KIRREL3: variants seen among roughly 807,000 people sequenced by gnomAD.
The protein encoded by KIRREL3 is kin of IRRE-like protein 3.
A neutral mutation model predicts 89.7 loss-of-function variants in KIRREL3; 36 were observed. The observed-to-expected ratio is 0.40, with a 90% CI of 0.31 to 0.53. The LOEUF is 0.53. KIRREL3 is among the 20% of genes least tolerant of loss of function. KIRREL3 has a pLI of 0.49. For synonymous variants in KIRREL3, 445 were observed against 441.4 expected (o/e 1.01, Z -0.10); for missense variants, 864 against 1,056.6 (o/e 0.82, Z 2.53).
chr11:126,811,381 G>A lies in KIRREL3; in HGVS notation c.55+189074C>T, dbSNP rs1951382021. ...GGTTGCTGGCCTGTAAGCTCCAAGA[G>A]GGTAGGGGGCTGTGTCTGAATTTTG... is the stretch of plus-strand genomic sequence containing the variant. On this transcript the variant is annotated intron_variant, in intron 1 of 16. Coordinates refer to ENST00000525144, the MANE Select transcript of KIRREL3 (RefSeq NM_032531.4). The surrounding 1 kb of genome is among the most constrained non-coding windows in gnomAD (Gnocchi z 4.3). 1.3e-5 allele frequency among the ~76,000 whole-genome samples: 2 copies of A among 152,188 alleles called. No individual in the cohort carries two copies. Among genetic ancestry groups the A allele is most frequent in the African/African-American group, 4.8e-5 (2 of 41,460 alleles).
intron 4 of KIRREL3, among the ~76,000 whole-genome samples, chr11:126,483,739 T>C (rs954294199): frequency 6.6e-6 from 1 of 152,264 alleles, no homozygotes; most frequent in African/African-American, 2.4e-5. Context: ...GAGGATAGCC[T>C]GCCCTTTTAC....
Position 126,656,447 on chromosome 11 carries a change from C to A in KIRREL3, c.56-93535G>T, listed in dbSNP as rs1298548052. ...CTCTGGAAAACCTAGGTTTCCAAACCTTTCACCTTAAGTAGATTTTTATAA... is the reference window on the plus strand; with the variant it reads ...CTCTGGAAAACCTAGGTTTCCAAACATTTCACCTTAAGTAGATTTTTATAA... On this transcript the variant is annotated intron_variant, in intron 1 of 16. Coordinates refer to ENST00000525144, the MANE Select transcript of KIRREL3 (RefSeq NM_032531.4). This position sits in a 1 kb window ranked among gnomAD's most constrained non-coding sequence, Gnocchi z 4.0. Among the ~76,000 whole-genome samples, 1 of 152,140 alleles carries A rather than the reference C, an allele frequency of 6.6e-6. No individual in the cohort carries two copies. Among genetic ancestry groups the A allele is most frequent in the African/African-American group, 2.4e-5 (1 of 41,422 alleles).
rs1955581378 is a variant in KIRREL3 at position 126,441,930 on chromosome 11, A to G, written c.1253-1381T>C. 6.6e-6 allele frequency among the ~76,000 whole-genome samples: 1 copy of G among 152,082 alleles called. No homozygotes were observed. The highest frequency in any genetic ancestry group is 1.5e-5 in the Non-Finnish European group (1 of 68,028). ...AGATGAGGAGATTGATGTTTTAGGA[A>G]CCGGATGGTGCTTTGTTTTATTGCT... On this transcript the variant is annotated intron_variant, in intron 10 of 16. Transcript: ENST00000525144. The surrounding 1 kb of genome is among the most constrained non-coding windows in gnomAD (Gnocchi z 5.0).
chr11:126,948,035 A>G lies in KIRREL3; in HGVS notation c.55+52420T>C, dbSNP rs2135136950. ...CTTGGCTACCCCAAAACTCCAACGC[A>G]CCTCATTATTTCATAAGAGATGTTA... On this transcript the variant is annotated intron_variant, in intron 1 of 16. Coordinates refer to ENST00000525144, the MANE Select transcript of KIRREL3 (RefSeq NM_032531.4). This position sits in a 1 kb window ranked among gnomAD's most constrained non-coding sequence, Gnocchi z 4.5. 6.6e-6 allele frequency among the ~76,000 whole-genome samples: 1 copy of G among 152,276 alleles called. No homozygotes were observed. Among genetic ancestry groups the G allele is most frequent in the Admixed American group, 6.5e-5 (1 of 15,294 alleles).
intron 1 of KIRREL3, among the ~76,000 whole-genome samples, chr11:126,749,037 G>A (rs1044716080): frequency 1.2e-4 from 18 of 152,246 alleles, no homozygotes; most frequent in South Asian, 4.1e-4. Context: ...TCTCCAGGTG[G>A]CAGGGGGTTG....
chr11:126,951,437 A>G (rs1320686596), intron 1 of KIRREL3, among the ~76,000 whole-genome samples: 1 of 152,130 alleles, frequency 6.6e-6, no homozygotes, highest in Non-Finnish European at 1.5e-5. Flanking sequence ...TGAAGGACAC[A>G]CCGTAGATGC....
chr11:126,670,071 C>T (rs1945867092), intron 1 of KIRREL3, among the ~76,000 whole-genome samples: 1 of 152,140 alleles, frequency 6.6e-6, no homozygotes. Context: ...AAGATACATC[C>T]AGAATCTGTT....
At chr11:126,921,512 T>A (rs1264849108) in intron 1 of KIRREL3, among the ~76,000 whole-genome samples, 1 of 150,576 alleles carries the variant, frequency 6.6e-6, no homozygotes, top group African/African-American at 2.4e-5. Context: ...CTATCTGTAA[T>A]CTATCTATCT....
chr11:126,502,074 G>A (rs1278383137), intron 4 of KIRREL3, among the ~76,000 whole-genome samples: 1 of 152,108 alleles, frequency 6.6e-6, no homozygotes, highest in Non-Finnish European at 1.5e-5. Context: ...CTTAAACATG[G>A]ATAATGAATG....
chr11:126,753,271 G>A (rs1949393609), intron 1 of KIRREL3, among the ~76,000 whole-genome samples: 1 of 152,158 alleles, frequency 6.6e-6, no homozygotes, highest in Admixed American at 6.5e-5. Context: ...CAGAGCATCT[G>A]GAGCTGCCTC....
At chr11:126,825,206 G>A (rs1456404295) in intron 1 of KIRREL3, among the ~76,000 whole-genome samples, 2 of 152,052 alleles carry the variant, frequency 1.3e-5, no homozygotes, top group Non-Finnish European at 2.9e-5. Context: ...GAAGCGCTTG[G>A]GCATAAAATG....
At chr11:126,458,923 G>T (rs1051667813) in intron 6 of KIRREL3, among the ~76,000 whole-genome samples, 3 of 152,192 alleles carry the variant, frequency 2.0e-5, no homozygotes, top group Non-Finnish European at 4.4e-5. Context: ...TGAATCAGGA[G>T]TTCCAGCCCT....
At chr11:126,511,358 A>AC (rs954888325) in intron 4 of KIRREL3, among the ~76,000 whole-genome samples, 8 of 150,624 alleles carry the variant, frequency 5.3e-5, no homozygotes, top group African/African-American at 1.5e-4. Flanking sequence ...CAAAGAGTGG[A>AC]CCCCCCAGGC....
At chr11:126,500,498 G>A (rs531392236) in intron 4 of KIRREL3, among the ~76,000 whole-genome samples, 13 of 152,252 alleles carry the variant, frequency 8.5e-5, no homozygotes, top group South Asian at 8.3e-4. Context: ...CCAGCACTTC[G>A]GGAGGCCGAG....
chr11:126,768,178 C>CA lies in KIRREL3; in HGVS notation c.56-205267dup, dbSNP rs369202906. Among the ~76,000 whole-genome samples, 2,987 of 71,564 alleles carry CA rather than the reference C, an allele frequency of 0.042. 95 individuals are homozygous for CA. Among genetic ancestry groups the CA allele is most frequent in the African/African-American group, 0.12 (2,674 of 22,786 alleles). The allele number at this position is 71,564 out of a possible 152,430, so 46.9% of individuals were successfully genotyped here. On this transcript the variant is annotated intron_variant, in intron 1 of 16. Coordinates refer to ENST00000525144, the MANE Select transcript of KIRREL3 (RefSeq NM_032531.4). This position sits in a 1 kb window ranked among gnomAD's most constrained non-coding sequence, Gnocchi z 4.5. ...CATCCATCCATCCATCCAATCCATC[C>CA]ATCCATCCATCCATCCATCCATCCA...
At chr11:126,959,927 G>A (rs1469574465) in intron 1 of KIRREL3, among the ~76,000 whole-genome samples, 2 of 152,186 alleles carry the variant, frequency 1.3e-5, no homozygotes, top group Admixed American at 1.3e-4. Context: ...GCACATGTTT[G>A]TATAAGCCTT....
intron 1 of KIRREL3, among the ~76,000 whole-genome samples, chr11:126,690,300 TA>T (rs1946829037): frequency 6.6e-6 from 1 of 151,856 alleles, no homozygotes; most frequent in Non-Finnish European, 1.5e-5. Flanking sequence ...CTTTGAAGCC[TA>T]AATACTTAAC....
chr11:126,940,286 T>C lies in KIRREL3; in HGVS notation c.55+60169A>G, dbSNP rs1948387199. Among the ~76,000 whole-genome samples, 1 of 152,230 alleles carries C rather than the reference T, an allele frequency of 6.6e-6. No homozygotes were observed. Among genetic ancestry groups the C allele is most frequent in the African/African-American group, 2.4e-5 (1 of 41,462 alleles). Reference sequence around the variant, plus strand: ...TCTTTTTAAATATATCCTTTTTTTCTAGATTGGAAAAACAATAGTTGTTTC... The same window carrying C: ...TCTTTTTAAATATATCCTTTTTTTCCAGATTGGAAAAACAATAGTTGTTTC... On this transcript the variant is annotated intron_variant, in intron 1 of 16. Transcript: ENST00000525144. The surrounding 1 kb of genome is among the most constrained non-coding windows in gnomAD (Gnocchi z 4.6).
At chr11:126,446,596 C>T (rs1380437264) in intron 9 of KIRREL3, among the ~76,000 whole-genome samples, 163 bp downstream of exon 9, 2 of 152,176 alleles carry the variant, frequency 1.3e-5, no homozygotes, top group Non-Finnish European at 2.9e-5. Flanking sequence ...CATGGGGGTG[C>T]CTGGGTTCCC....
Sources: gnomAD v4.1 joint callset for allele counts (sites outside exome capture counted in the v4.1 genomes callset) on GRCh38, gnomAD v4.1.1 for gene constraint, Gnocchi (gnomAD v3.1) non-coding constraint, MANE v1.5 for transcripts, NCBI Gene and HGNC (gene_info 2026-07-23, HGNC 2026-07-21) for gene names.